Variants in NEDD4L observed in about 807,000 individuals in gnomAD.
NEDD4L encodes E3 ubiquitin-protein ligase NEDD4-like.
A neutral mutation model predicts 148.9 loss-of-function variants in NEDD4L; 54 were observed. The observed-to-expected ratio is 0.36, with a 90% CI of 0.29 to 0.45. The LOEUF is 0.45. Among genes scored for constraint, NEDD4L ranks in the 20% least tolerant of loss-of-function variants. The pLI is 1.00. For missense variants in NEDD4L, 856 were observed against 1,233.8 expected (o/e 0.69, Z 4.59); for synonymous variants, 433 against 440.7 (o/e 0.98, Z 0.22).
intron 2 of NEDD4L, among the ~76,000 whole-genome samples, chr18:58,206,997 G>C (rs575648038): frequency 2.0e-5 from 3 of 152,284 alleles, no homozygotes; most frequent in Non-Finnish European, 2.9e-5. Context: ...TGTCTCCCCT[G>C]TTGTCCTTTG....
intron 5 of NEDD4L, among the ~76,000 whole-genome samples, chr18:58,282,169 G>A (rs1041094765): frequency 2.5e-5 from 3 of 118,900 alleles, no homozygotes; most frequent in Admixed American, 8.1e-5. Context: ...CAAAATATCC[G>A]CGTGAGTGGT....
intron 1 of NEDD4L, among the ~76,000 whole-genome samples, chr18:58,127,758 G>A (rs1243836725): frequency 6.7e-6 from 1 of 148,412 alleles, no homozygotes; most frequent in Non-Finnish European, 1.5e-5. Context: ...GGAGAATGGT[G>A]TGAACACGGG....
In NEDD4L at chr18:58,366,926, C is replaced by T. The variant is rs2046183008; in HGVS notation, c.2063+698C>T. 6.6e-6 allele frequency among the ~76,000 whole-genome samples: 1 copy of T among 152,236 alleles called. No homozygotes were observed. The highest frequency in any genetic ancestry group is 2.4e-5 in the African/African-American group (1 of 41,476). On this transcript the variant is annotated intron_variant, in intron 21 of 30. Transcript: ENST00000400345. The surrounding 1 kb of genome is among the most constrained non-coding windows in gnomAD (Gnocchi z 4.2). ...GTTCCCCCACATCTCCCACCTGGTA[C>T]CAGTCTCCTGGGGGCTCATTTGGAA...
chr18:58,194,390 T>C (rs1223285230), intron 2 of NEDD4L, among the ~76,000 whole-genome samples: 1 of 152,234 alleles, frequency 6.6e-6, no homozygotes, highest in African/African-American at 2.4e-5. Flanking sequence ...CGAAGAGTGC[T>C]AATATAAGTA....
chr18:58,186,661 A>G (rs936544280), intron 2 of NEDD4L, among the ~76,000 whole-genome samples: 13 of 152,248 alleles, frequency 8.5e-5, no homozygotes, highest in Non-Finnish European at 1.9e-4. Flanking sequence ...GGCATTTTCC[A>G]GATGAGAAAA....
In NEDD4L at chr18:58,256,178, G is replaced by A. The variant is rs1221887459; in HGVS notation, c.297+4124G>A. On this transcript the variant is annotated intron_variant, in intron 5 of 30. Coordinates refer to ENST00000400345, the MANE Select transcript of NEDD4L (RefSeq NM_001144967.3). The surrounding 1 kb of genome is among the most constrained non-coding windows in gnomAD (Gnocchi z 5.2). ...CCGCCGCGTGCGGTGCTCCGGCCCCGTGGACTGCGCGGAGGAGGCTGCCCC... is the reference window on the plus strand; with the variant it reads ...CCGCCGCGTGCGGTGCTCCGGCCCCATGGACTGCGCGGAGGAGGCTGCCCC... 9.0e-6 allele frequency: 11 copies of A among 1,217,262 alleles called. No individual in the cohort carries two copies. Among genetic ancestry groups the A allele is most frequent in the East Asian group, 3.3e-5 (1 of 29,990 alleles). 75.4% of individuals were successfully genotyped at this position (1,217,262 alleles called of 1,614,324 possible).
intron 1 of NEDD4L, among the ~76,000 whole-genome samples, chr18:58,112,471 TAG>T (rs912638324): frequency 1.3e-5 from 2 of 151,112 alleles, no homozygotes; most frequent in African/African-American, 2.4e-5. Flanking sequence ...TATATATATA[TAG>T]AGAGAGATTT....
chr18:58,178,044 G>A (rs565829112), intron 2 of NEDD4L, among the ~76,000 whole-genome samples: 7 of 152,172 alleles, frequency 4.6e-5, no homozygotes, highest in Non-Finnish European at 7.3e-5. Context: ...TAGCACTAAA[G>A]CAGCCTTGGG....
chr18:58,367,841 C>G lies in NEDD4L; in HGVS notation c.2159C>G (p.Ala720Gly). Residue 720 changes from alanine (A) to glycine (G), a missense_variant, in exon 22 of 31, where the codon GCC (alanine) becomes GGC (glycine). Transcript: ENST00000400345. ...TTTATTGGAAGAGTTGCTGGTCTGGCCGTATTTCATGGGAAGCTCTTAGAT... is the reference window on the plus strand; with the variant it reads ...TTTATTGGAAGAGTTGCTGGTCTGGGCGTATTTCATGGGAAGCTCTTAGAT... ...FTFIGRVAGL[A>G]VFHGKLLDGF... The G allele has an allele frequency of 1.9e-6, 3 of 1,613,882 alleles. No homozygotes were observed. Among genetic ancestry groups the G allele is most frequent in the Non-Finnish European group, 2.5e-6 (3 of 1,179,822 alleles).
At position 58,066,544 on chromosome 18, in the gene NEDD4L, G is replaced by A. The variant is rs539624838; in HGVS notation, c.48+21836G>A. On this transcript the variant is annotated intron_variant, in intron 1 of 30. Coordinates refer to ENST00000400345, the MANE Select transcript of NEDD4L (RefSeq NM_001144967.3). ...CATGTTGGCCAGGCTGGTCTTGAAC[G>A]CCTGACCTCGTGTTCCACTCACCTT... Among the ~76,000 whole-genome samples, 5 of 151,968 alleles carry A rather than the reference G, an allele frequency of 3.3e-5. No homozygotes were observed. In the South Asian group the frequency reaches 1.0e-3, roughly 32 times the overall value.
At chr18:58,368,046 A>G (rs756676163) in intron 22 of NEDD4L, among the ~76,000 whole-genome samples, 179 bp downstream of exon 22, 9 of 152,252 alleles carry the variant, frequency 5.9e-5, no homozygotes, top group Admixed American at 2.0e-4. Flanking sequence ...CACTGAAGAC[A>G]TAGTGTCTAC....
intron 1 of NEDD4L, among the ~76,000 whole-genome samples, chr18:58,138,303 C>T (rs1453998023): frequency 2.0e-5 from 3 of 151,994 alleles, no homozygotes; most frequent in South Asian, 2.1e-4. Context: ...TGAGGCATTG[C>T]TGGGTGACTT....
intron 2 of NEDD4L, among the ~76,000 whole-genome samples, chr18:58,202,308 C>T (rs2041502533): frequency 6.6e-6 from 1 of 152,224 alleles, no homozygotes; most frequent in South Asian, 2.1e-4. Context: ...GATATTCTTT[C>T]TGTTAAACTC....
intron 1 of NEDD4L, among the ~76,000 whole-genome samples, chr18:58,154,868 T>TTG (rs1456173122): frequency 6.6e-6 from 1 of 152,114 alleles, no homozygotes; most frequent in Non-Finnish European, 1.5e-5. Context: ...TCAGATACTA[T>TTG]TGTGACAAGA....
At chr18:58,076,658 G>T (rs1405703431) in intron 1 of NEDD4L, among the ~76,000 whole-genome samples, 1 of 152,010 alleles carries the variant, frequency 6.6e-6, no homozygotes. Flanking sequence ...CTTTCAGCGG[G>T]CGGGCGGGCT....
intron 5 of NEDD4L, among the ~76,000 whole-genome samples, chr18:58,267,449 C>G (rs892950540): frequency 2.0e-4 from 31 of 152,038 alleles, no homozygotes; most frequent in Admixed American, 1.8e-3. Context: ...GGCTACTGTA[C>G]TGGATGGAGG....
chr18:58,103,751 GAAGA>G (rs759924546), intron 1 of NEDD4L, among the ~76,000 whole-genome samples: 9 of 152,248 alleles, frequency 5.9e-5, no homozygotes, highest in Non-Finnish European at 1.2e-4. Flanking sequence ...TGGAATTATA[GAAGA>G]AATAGCTGAC....
Position 58,100,332 on chromosome 18 carries a change from CT to C in NEDD4L, c.48+55626del, listed in dbSNP as rs57819864. 1.6e-3 allele frequency among the ~76,000 whole-genome samples: 249 copies of C among 152,268 alleles called. 1 individual carries two copies. The highest frequency in any genetic ancestry group is 5.8e-3 in the African/African-American group (241 of 41,546). The stretch of plus-strand genomic sequence containing the variant: ...AGACTGTAGCTCTCAAGCCAGTTCC[CT>C]TAGAGGCCAGAGTAATGACAGTGTA... On this transcript the variant is annotated intron_variant, in intron 1 of 30. Coordinates refer to ENST00000400345, the MANE Select transcript of NEDD4L (RefSeq NM_001144967.3).
chr18:58,124,257 G>A (rs1054919398), intron 1 of NEDD4L, among the ~76,000 whole-genome samples: 1 of 152,212 alleles, frequency 6.6e-6, no homozygotes, highest in African/African-American at 2.4e-5. Flanking sequence ...TCCTGGGTGA[G>A]CCTGTGAGGG....
Sources: allele counts gnomAD v4.1 joint callset (sites outside exome capture counted in the v4.1 genomes callset), GRCh38; gene constraint gnomAD v4.1.1; non-coding constraint Gnocchi (gnomAD v3.1); transcripts MANE v1.5; gene names NCBI Gene and HGNC (gene_info 2026-07-23, HGNC 2026-07-21).